DERA: variants seen among roughly 807,000 people sequenced by gnomAD.
DERA encodes deoxyribose-phosphate aldolase.
Under a neutral mutation model 41.1 loss-of-function variants are expected in DERA, and 15 were observed. The observed-to-expected ratio is 0.37, with a 90% CI of 0.24 to 0.56. The LOEUF (loss-of-function observed/expected upper bound fraction) is 0.56, where lower values mean the gene tolerates loss of function less well. DERA is among the 20% of genes least tolerant of loss of function. The probability of loss-of-function intolerance (pLI) is 0.81; values close to 1 mark genes in which losing one functional copy is unlikely to be tolerated. For missense variants in DERA, 396 were observed against 403.4 expected, an observed-to-expected ratio of 0.98 and a Z score of 0.16; for synonymous variants, 139 against 137.4, an observed-to-expected ratio of 1.01 and a Z score of -0.08.
intron 5 of DERA, among the ~76,000 whole-genome samples, chr12:15,963,328 T>G (rs1030044163): frequency 2.0e-5 from 3 of 152,236 alleles, no homozygotes; most frequent in African/African-American, 7.2e-5. Flanking sequence ...TATGCAAAGT[T>G]TATTTGAATA....
chr12:15,963,976 G>C (rs555117960), intron 5 of DERA, among the ~76,000 whole-genome samples: 103 of 152,246 alleles, frequency 6.8e-4, no homozygotes, highest in African/African-American at 2.4e-3. Context: ...TCAGTCAGTG[G>C]TTTAAACCCT....
chr12:15,913,402 G>GA lies in DERA; in HGVS notation c.31+1995dup. On this transcript the variant is annotated intron_variant, in intron 1 of 8. Coordinates refer to ENST00000428559, the MANE Select transcript of DERA (RefSeq NM_015954.4). The surrounding 1 kb of genome is among the most constrained non-coding windows in gnomAD (Gnocchi z 4.5). ...TAAGTTATTTGAATTAGGTACTAGG[G>GA]AAAAAAATCTTTCAGTATTAATTTA... 6.6e-6 allele frequency among the ~76,000 whole-genome samples: 1 copy of GA among 151,972 alleles called. No homozygotes were observed. The highest frequency in any genetic ancestry group is 1.5e-5 in the Non-Finnish European group (1 of 67,950).
chr12:15,975,982 C>T (rs927389970), intron 5 of DERA, among the ~76,000 whole-genome samples: 2 of 152,170 alleles, frequency 1.3e-5, no homozygotes, highest in African/African-American at 4.8e-5. Flanking sequence ...TTTCTAGGCC[C>T]TCTTGTCAGA....
chr12:15,926,142 G>T (rs969111677), intron 1 of DERA, among the ~76,000 whole-genome samples: 11 of 151,828 alleles, frequency 7.2e-5, no homozygotes, highest in African/African-American at 2.4e-4. Flanking sequence ...GGCTTTTACA[G>T]CCACTTTCCT....
intron 4 of DERA, 141 bp downstream of exon 4, chr12:15,960,065 ATGTACTAAT>A: frequency 1.7e-6 from 1 of 605,660 alleles, no homozygotes; most frequent in Non-Finnish European, 2.7e-6. Context: ...TGATTTTAGT[ATGTACTAAT>A]TGCTTAGTAA....
chr12:16,003,629 T>C lies in DERA; in HGVS notation c.637+21193T>C, dbSNP rs1948890623. On this transcript the variant is annotated intron_variant, in intron 6 of 8. Coordinates refer to ENST00000428559, the MANE Select transcript of DERA (RefSeq NM_015954.4). The surrounding 1 kb of genome is among the most constrained non-coding windows in gnomAD (Gnocchi z 4.8). The stretch of plus-strand genomic sequence containing the variant: ...CTGCTGGGGGCAGTGGAGAGGGAAG[T>C]AGACTGCAGGGTTGATGTAAGAAAA... Among the ~76,000 whole-genome samples the C allele has an allele frequency of 1.3e-5, 2 of 152,040 alleles. No homozygotes were observed. The highest frequency in any genetic ancestry group is 4.8e-5 in the African/African-American group (2 of 41,386).
At position 15,946,197 on chromosome 12, in the gene DERA, G is replaced by T. The variant is rs539463722; in HGVS notation, c.32-10739G>T. Among the ~76,000 whole-genome samples the T allele has an allele frequency of 4.1e-4, 63 of 152,202 alleles. No individual in the cohort carries two copies. The South Asian group carries it at 0.013, about 31-fold the overall frequency. Reference sequence around the variant, plus strand: ...TATTGGTCTAAAATTCTCTCTTTTTGTTGTGTCTCTGCTAGGCTTTGGTAT... The same window carrying T: ...TATTGGTCTAAAATTCTCTCTTTTTTTTGTGTCTCTGCTAGGCTTTGGTAT... On this transcript the variant is annotated intron_variant, in intron 1 of 8. Coordinates refer to ENST00000428559, the MANE Select transcript of DERA (RefSeq NM_015954.4).
chr12:15,914,558 T>C (rs1948186780), intron 1 of DERA, among the ~76,000 whole-genome samples: 1 of 152,152 alleles, frequency 6.6e-6, no homozygotes, highest in Non-Finnish European at 1.5e-5. Context: ...ATTATTAAGA[T>C]TCAGTTTTGT....
At chr12:15,948,248 C>T (rs958858551) in intron 1 of DERA, among the ~76,000 whole-genome samples, 4 of 152,232 alleles carry the variant, frequency 2.6e-5, no homozygotes, top group African/African-American at 9.6e-5. Context: ...GAATGTTGGC[C>T]TGCCTTGCTA....
rs1035582296 is a variant in DERA, at chr12:16,023,638, C to T, written c.638-8904C>T. ...GACTACAGGCGCCCGCCACTACGCC[C>T]GGCTAATTTTTTGTATTTTTAGTAG... On this transcript the variant is annotated intron_variant, in intron 6 of 8. Transcript: ENST00000428559. Among the ~76,000 whole-genome samples, 8 of 151,424 alleles carry T rather than the reference C, an allele frequency of 5.3e-5. No individual in the cohort carries two copies. The South Asian group carries it at 1.0e-3, about 20-fold the overall frequency.
At chr12:15,920,729 G>A (rs531824594) in intron 1 of DERA, among the ~76,000 whole-genome samples, 12 of 152,170 alleles carry the variant, frequency 7.9e-5, no homozygotes, top group East Asian at 5.8e-4. Context: ...CCAGCTACTC[G>A]CGAGGCTGAG....
rs1482961518 is a variant in DERA at position 15,938,482 on chromosome 12, T to C, written c.32-18454T>C. ...AACACAAGTTGAATTATTACTCTGC[T>C]TTAATAAGCTTCTTAGCTGTATCAA... On this transcript the variant is annotated intron_variant, in intron 1 of 8. Coordinates refer to ENST00000428559, the MANE Select transcript of DERA (RefSeq NM_015954.4). The surrounding 1 kb of genome is among the most constrained non-coding windows in gnomAD (Gnocchi z 4.1). 6.6e-6 allele frequency among the ~76,000 whole-genome samples: 1 copy of C among 152,210 alleles called. No homozygotes were observed. Among genetic ancestry groups the C allele is most frequent in the African/African-American group, 2.4e-5 (1 of 41,456 alleles).
chr12:15,960,037 A>G, intron 4 of DERA, 113 bp downstream of exon 4: 2 of 710,978 alleles, frequency 2.8e-6, no homozygotes, highest in East Asian at 5.7e-5. Context: ...TATGTATTTA[A>G]TTAGTTGTAT....
chr12:15,932,721 T>G (rs187566871), intron 1 of DERA, among the ~76,000 whole-genome samples: 1 of 152,354 alleles, frequency 6.6e-6, no homozygotes, highest in Admixed American at 6.5e-5. Context: ...TAAAGTCTAT[T>G]GTTAACGATT....
At chr12:15,962,249 C>T (rs1336648870) in intron 4 of DERA, among the ~76,000 whole-genome samples, 2 of 152,194 alleles carry the variant, frequency 1.3e-5, no homozygotes, top group African/African-American at 4.8e-5. Context: ...GTGTTTTCCT[C>T]CTGCATTCTC....
rs1948822441 is a variant in DERA, at chr12:15,994,344, A to G, written c.637+11908A>G. Among the ~76,000 whole-genome samples the G allele has an allele frequency of 6.6e-6, 1 of 152,206 alleles. No homozygotes were observed. Among genetic ancestry groups the G allele is most frequent in the Non-Finnish European group, 1.5e-5 (1 of 68,038 alleles). ...TTCTGGCACATGACATAGAGGCTAG[A>G]CCTGTGTTCATGTGTCTGAGATTCT... On this transcript the variant is annotated intron_variant, in intron 6 of 8. Transcript: ENST00000428559. This position sits in a 1 kb window ranked among gnomAD's most constrained non-coding sequence, Gnocchi z 4.8.
Position 15,915,058 on chromosome 12 carries a change from GT to G in DERA, c.31+3645del, listed in dbSNP as rs1202901121. ...GTTATTGAGTACCAATCTGTACTGG[GT>G]AGTATTACCCTAGGCTGGGGGTACA... On this transcript the variant is annotated intron_variant, in intron 1 of 8. Coordinates refer to ENST00000428559, the MANE Select transcript of DERA (RefSeq NM_015954.4). This position sits in a 1 kb window ranked among gnomAD's most constrained non-coding sequence, Gnocchi z 4.8. Among the ~76,000 whole-genome samples, 2 of 152,180 alleles carry G rather than the reference GT, an allele frequency of 1.3e-5. No individual in the cohort carries two copies. Among genetic ancestry groups the G allele is most frequent in the African/African-American group, 4.8e-5 (2 of 41,444 alleles).
rs376070745 is a variant in DERA, at chr12:15,964,524, A to G, written c.508+1577A>G. 2.0e-5 allele frequency among the ~76,000 whole-genome samples: 3 copies of G among 152,210 alleles called. No individual in the cohort carries two copies. In the East Asian group the frequency reaches 5.8e-4, roughly 29 times the overall value. On this transcript the variant is annotated intron_variant, in intron 5 of 8. Transcript: ENST00000428559. ...AATTACAGTCATTCTGAAAAGGCGT[A>G]TTTTAAATAGATATCTCTGTTCCTA...
chr12:15,952,899 AG>A (rs1423555231), intron 1 of DERA, among the ~76,000 whole-genome samples: 4 of 152,168 alleles, frequency 2.6e-5, no homozygotes, highest in African/African-American at 9.7e-5. Flanking sequence ...ACAAACTTGC[AG>A]TGCTTCCGGT....
Sources: gnomAD v4.1 joint callset for allele counts (sites outside exome capture counted in the v4.1 genomes callset) on GRCh38, gnomAD v4.1.1 for gene constraint, Gnocchi (gnomAD v3.1) non-coding constraint, MANE v1.5 for transcripts, NCBI Gene and HGNC (gene_info 2026-07-23, HGNC 2026-07-21) for gene names.